The following MAGI2 variants were observed in gnomAD, a reference collection of about 807,000 sequenced individuals.
MAGI2 encodes the protein membrane associated guanylate kinase, WW and PDZ domain containing 2.
A neutral mutation model predicts 133.3 loss-of-function variants in MAGI2; 35 were observed. The ratio of observed to expected loss-of-function variants is 0.26; its 90% CI spans 0.20 to 0.35. The LOEUF (loss-of-function observed/expected upper bound fraction) is 0.35, where lower values mean the gene tolerates loss of function less well. Ranked by LOEUF, MAGI2 falls within the 10% of genes least tolerant of loss-of-function variation. The pLI, the probability that MAGI2 is intolerant of heterozygous loss-of-function variation, is 1.00. For missense variants in MAGI2, 1,636 were observed against 1,863.4 expected (o/e 0.88, Z 2.25); for synonymous variants, 729 against 710.6 (o/e 1.03, Z -0.41).
At chr7:79,015,862 T>C (rs1355517019) in intron 1 of MAGI2, among the ~76,000 whole-genome samples, 1 of 152,042 alleles carries the variant, frequency 6.6e-6, no homozygotes, top group Non-Finnish European at 1.5e-5. Flanking sequence ...AAGACTGGCA[T>C]ACTTCTAGCA....
At chr7:78,217,414 T>C (rs894643158) in intron 10 of MAGI2, among the ~76,000 whole-genome samples, 1 of 152,168 alleles carries the variant, frequency 6.6e-6, no homozygotes, top group Admixed American at 6.5e-5. Context: ...TAAATACTTG[T>C]TGCGTGAAAG....
intron 6 of MAGI2, among the ~76,000 whole-genome samples, chr7:78,437,116 C>T (rs949078463): frequency 1.3e-5 from 2 of 152,138 alleles, no homozygotes; most frequent in African/African-American, 4.8e-5. Context: ...ATACTTCTGG[C>T]TCCTGTTAGC....
At chr7:78,767,669 A>G (rs1825166223) in intron 2 of MAGI2, among the ~76,000 whole-genome samples, 1 of 152,246 alleles carries the variant, frequency 6.6e-6, no homozygotes, top group Non-Finnish European at 1.5e-5. Flanking sequence ...GAAAGTTAGT[A>G]GCTTTGTGAT....
chr7:78,109,385 C>A (rs1296562310), intron 20 of MAGI2, among the ~76,000 whole-genome samples: 1 of 139,770 alleles, frequency 7.2e-6, no homozygotes, highest in Non-Finnish European at 1.5e-5. Context: ...GTAATCCCAG[C>A]ACTTTGGGAG....
At chr7:78,516,604 C>T (rs1405909178) in intron 4 of MAGI2, among the ~76,000 whole-genome samples, 2 of 152,160 alleles carry the variant, frequency 1.3e-5, no homozygotes, top group Non-Finnish European at 2.9e-5. Context: ...CTACCTGCCT[C>T]AGCCCCACAA....
chr7:78,156,345 G>A (rs1374227023), intron 16 of MAGI2, among the ~76,000 whole-genome samples: 1 of 152,182 alleles, frequency 6.6e-6, no homozygotes, highest in African/African-American at 2.4e-5. Context: ...ATGTTCATCT[G>A]TGGCCCAGAT....
chr7:79,336,205 A>G (rs1840427309), intron 1 of MAGI2, among the ~76,000 whole-genome samples: 1 of 152,090 alleles, frequency 6.6e-6, no homozygotes, highest in Non-Finnish European at 1.5e-5. Flanking sequence ...TGAAGCTACT[A>G]TTCTGTATCC....
intron 2 of MAGI2, among the ~76,000 whole-genome samples, chr7:78,645,655 G>A (rs1471952265): frequency 6.6e-6 from 1 of 151,622 alleles, no homozygotes; most frequent in Non-Finnish European, 1.5e-5. Context: ...GTGTGTGTGT[G>A]TGTGTGTGTG....
At chr7:78,503,581 T>TCCTCCTCCCCCTCCTCCTCCCCCC (rs1563093361) in intron 4 of MAGI2, among the ~76,000 whole-genome samples, 2 of 15,062 alleles carry the variant, frequency 1.3e-4, no homozygotes, top group African/African-American at 2.3e-4. Context: ...CTCCTCCCCC[T>TCCTCCTCCCCCTCCTCCTCCCCCC]CCTCCTCCTC....
intron 2 of MAGI2, among the ~76,000 whole-genome samples, chr7:78,860,753 C>A (rs907149846): frequency 1.3e-5 from 2 of 152,122 alleles, no homozygotes; most frequent in Non-Finnish European, 2.9e-5. Context: ...GCTGGGAGAA[C>A]CACTACTCTC....
chr7:79,344,596 G>T (rs932286109), intron 1 of MAGI2, among the ~76,000 whole-genome samples: 1 of 152,076 alleles, frequency 6.6e-6, no homozygotes, highest in African/African-American at 2.4e-5. Flanking sequence ...GAAAGTTTCT[G>T]GTGTGTTCAG....
At chr7:79,415,838 T>C (rs1846467359) in intron 1 of MAGI2, among the ~76,000 whole-genome samples, 1 of 152,038 alleles carries the variant, frequency 6.6e-6, no homozygotes, top group Non-Finnish European at 1.5e-5. Context: ...GAGAGATGGT[T>C]GAGAAAAAAA....
chr7:78,709,039 C>T (rs1475691918), intron 2 of MAGI2, among the ~76,000 whole-genome samples: 1 of 152,084 alleles, frequency 6.6e-6, no homozygotes, highest in Non-Finnish European at 1.5e-5. Context: ...TGTACTTCTG[C>T]AAAAGATTCT....
chr7:78,450,226 A>AT (rs1788580634), intron 6 of MAGI2, among the ~76,000 whole-genome samples: 1 of 152,044 alleles, frequency 6.6e-6, no homozygotes, highest in African/African-American at 2.4e-5. Flanking sequence ...ATATTGATGC[A>AT]TAACATTCAT....
chr7:78,215,244 C>T (rs754311590), intron 10 of MAGI2, among the ~76,000 whole-genome samples: 4 of 151,930 alleles, frequency 2.6e-5, no homozygotes, highest in East Asian at 1.9e-4. Flanking sequence ...TGAAAAACCA[C>T]GAGAACATGG....
At chr7:79,256,177 G>A (rs1402650031) in intron 1 of MAGI2, among the ~76,000 whole-genome samples, 1 of 152,186 alleles carries the variant, frequency 6.6e-6, no homozygotes, top group African/African-American at 2.4e-5. Flanking sequence ...ATTAGACGCA[G>A]ATGCCTCTCA....
At chr7:79,329,025 C>A (rs1839887732) in intron 1 of MAGI2, among the ~76,000 whole-genome samples, 1 of 152,292 alleles carries the variant, frequency 6.6e-6, no homozygotes, top group East Asian at 1.9e-4. Context: ...TGAAACCCAG[C>A]AATCTGTATG....
At chr7:78,861,142 G>C (rs489512) in intron 2 of MAGI2, among the ~76,000 whole-genome samples, 151,292 of 152,270 alleles carry the variant, frequency 0.99, 75,160 homozygotes, top group Middle Eastern at 1. Flanking sequence ...TACCATCTGT[G>C]AAGGCTTCCC....
intron 1 of MAGI2, among the ~76,000 whole-genome samples, chr7:79,170,884 CAT>C (rs1825474133): frequency 1.3e-5 from 2 of 152,082 alleles, no homozygotes; most frequent in Admixed American, 6.6e-5. Flanking sequence ...AGAGTGCATT[CAT>C]TCCATTAGCC....
Sources: allele counts gnomAD v4.1 joint callset (sites outside exome capture counted in the v4.1 genomes callset), GRCh38; gene constraint gnomAD v4.1.1; transcripts MANE v1.5; gene names NCBI Gene and HGNC (gene_info 2026-07-23, HGNC 2026-07-21).